PID1: variants seen among roughly 807,000 people sequenced by gnomAD.
PID1 encodes the protein PTB-containing, cubilin and LRP1-interacting protein.
A neutral mutation model predicts 19.1 loss-of-function variants in PID1; 10 were observed. The ratio of observed to expected loss-of-function variants is 0.52; its 90% CI spans 0.32 to 0.89. PID1 has a LOEUF of 0.89. PID1 is among the 40% of genes least tolerant of loss of function. The pLI is 0.03. For missense variants in PID1, 248 were observed against 285.3 expected (o/e 0.87, Z 0.94); for synonymous variants, 130 against 116.0 (o/e 1.12, Z -0.78).
intron 1 of PID1, among the ~76,000 whole-genome samples, chr2:229,158,803 T>C (rs1359697810): frequency 1.3e-5 from 2 of 152,160 alleles, no homozygotes; most frequent in Non-Finnish European, 2.9e-5. Flanking sequence ...GAGATCATTA[T>C]GTTACATGAA....
chr2:229,102,268 C>G (rs982423830), intron 2 of PID1, among the ~76,000 whole-genome samples: 2 of 151,670 alleles, frequency 1.3e-5, no homozygotes, highest in Non-Finnish European at 1.5e-5. Flanking sequence ...CTATATAGAA[C>G]TGTTCTATAA....
chr2:229,048,402 T>A (rs577647218), intron 2 of PID1, among the ~76,000 whole-genome samples: 1 of 152,154 alleles, frequency 6.6e-6, no homozygotes, highest in African/African-American at 2.4e-5. Context: ...CTCTGGAGGG[T>A]CTCTCGATTG....
At chr2:229,226,920 G>A (rs1186222515) in intron 1 of PID1, among the ~76,000 whole-genome samples, 1 of 152,096 alleles carries the variant, frequency 6.6e-6, no homozygotes, top group Non-Finnish European at 1.5e-5. Flanking sequence ...AAAATGGGGT[G>A]TTTAGAATTT....
intron 1 of PID1, among the ~76,000 whole-genome samples, chr2:229,223,640 C>A (rs1322739721): frequency 6.6e-6 from 1 of 152,192 alleles, no homozygotes; most frequent in East Asian, 1.9e-4. Context: ...GGAGTCAGAA[C>A]AGTGAAGGCT....
chr2:229,111,709 T>C (rs970492097), intron 2 of PID1, among the ~76,000 whole-genome samples: 2 of 152,160 alleles, frequency 1.3e-5, no homozygotes, highest in East Asian at 1.9e-4. Context: ...CTAAAAATGG[T>C]AATGGACTTA....
Position 229,153,954 on chromosome 2 carries a change from T to A in PID1, c.177+1864A>T, listed in dbSNP as rs144526297. The stretch of plus-strand genomic sequence containing the variant: ...CAGAAATCAAAATAGCATTAATAAA[T>A]CTCCTGAAGAATGTATAACGAATTT... On this transcript the variant is annotated intron_variant, in intron 2 of 2. Transcript: ENST00000392055. Among the ~76,000 whole-genome samples, 37 of 152,268 alleles carry A rather than the reference T, an allele frequency of 2.4e-4. No individual in the cohort carries two copies. The East Asian group carries it at 5.8e-3, about 24-fold the overall frequency.
chr2:229,040,411 T>A (rs1337788667), intron 2 of PID1, among the ~76,000 whole-genome samples: 1 of 152,156 alleles, frequency 6.6e-6, no homozygotes, highest in Non-Finnish European at 1.5e-5. Flanking sequence ...TATATATTTG[T>A]TTGTGAAAAA....
chr2:229,075,506 T>C (rs1463659515), intron 2 of PID1, among the ~76,000 whole-genome samples: 2 of 152,198 alleles, frequency 1.3e-5, no homozygotes, highest in East Asian at 3.9e-4. Context: ...CACAACTTTA[T>C]ATGTTTGGAT....
chr2:229,192,570 C>A (rs976842440), intron 1 of PID1, among the ~76,000 whole-genome samples: 4 of 152,112 alleles, frequency 2.6e-5, no homozygotes, highest in African/African-American at 9.7e-5. Flanking sequence ...ATCATAGACA[C>A]CCAATAATCA....
chr2:229,025,339 G>C lies in PID1; in HGVS notation c.*293C>G. 2.7e-6 allele frequency: 1 copy of C among 371,812 alleles called. No individual in the cohort carries two copies. The highest frequency in any genetic ancestry group is 3.0e-5 in the South Asian group (1 of 33,052). 23.0% of individuals were successfully genotyped at this position (371,812 alleles called of 1,614,324 possible). A position where few individuals can be genotyped will look rare whatever the true frequency, so the allele number is the denominator to read the frequency against. On this transcript the variant is annotated 3_prime_UTR_variant, in exon 3 of 3. Transcript: ENST00000392055. Reference sequence around the variant, plus strand: ...GCCTGAGCGTGGTGAAAACTGGCATGGAGCTCTCCCACAGAGAGGCATTGG... The same window carrying C: ...GCCTGAGCGTGGTGAAAACTGGCATCGAGCTCTCCCACAGAGAGGCATTGG...
intron 2 of PID1, among the ~76,000 whole-genome samples, chr2:229,152,531 G>T (rs1362543147): frequency 6.6e-6 from 1 of 152,038 alleles, no homozygotes; most frequent in Non-Finnish European, 1.5e-5. Context: ...TGCTAGATAG[G>T]AGGAGAAAGG....
At chr2:229,072,638 G>C (rs1444447699) in intron 2 of PID1, among the ~76,000 whole-genome samples, 1 of 152,040 alleles carries the variant, frequency 6.6e-6, no homozygotes, top group Admixed American at 6.5e-5. Context: ...TCTAGTGGTA[G>C]ATTTTCATTT....
intron 2 of PID1, among the ~76,000 whole-genome samples, chr2:229,088,144 T>C (rs1394975863): frequency 6.6e-6 from 1 of 152,214 alleles, no homozygotes; most frequent in African/African-American, 2.4e-5. Flanking sequence ...TGAGAGTTTC[T>C]AAACATGGTG....
At chr2:229,186,549 C>T (rs1559276143) in intron 1 of PID1, among the ~76,000 whole-genome samples, 1 of 152,242 alleles carries the variant, frequency 6.6e-6, no homozygotes, top group Admixed American at 6.5e-5. Context: ...AGCCCAAGCT[C>T]TATGTTGGCC....
chr2:229,246,946 T>C (rs1410553344), intron 1 of PID1, among the ~76,000 whole-genome samples: 1 of 151,998 alleles, frequency 6.6e-6, no homozygotes, highest in Non-Finnish European at 1.5e-5. Context: ...GCAGTAAAAA[T>C]AACCAAAGCC....
At position 229,262,280 on chromosome 2, in the gene PID1, C is replaced by T. The variant is rs138810515; in HGVS notation, c.30+8734G>A. ...CAGCCCATAAGTTTCATCTCCAAAG[C>T]GAACCATCTTCAGGCCTGAAGCTCA... On this transcript the variant is annotated intron_variant, in intron 1 of 2. Coordinates refer to ENST00000392055, the MANE Select transcript of PID1 (RefSeq NM_001100818.2). Among the ~76,000 whole-genome samples, 398 of 152,262 alleles carry T rather than the reference C, an allele frequency of 2.6e-3. 2 individuals carry two copies. The highest frequency in any genetic ancestry group is 8.8e-3 in the African/African-American group (366 of 41,554).
chr2:229,234,699 G>C (rs573305849), intron 1 of PID1, among the ~76,000 whole-genome samples: 8 of 152,140 alleles, frequency 5.3e-5, no homozygotes, highest in Admixed American at 2.0e-4. Flanking sequence ...GTGAGAATGG[G>C]GGGCCATTTG....
chr2:229,143,587 A>G (rs1238690605), intron 2 of PID1, among the ~76,000 whole-genome samples: 1 of 152,114 alleles, frequency 6.6e-6, no homozygotes, highest in Non-Finnish European at 1.5e-5. Context: ...AAACAAAAAG[A>G]TCTTTAAAGC....
chr2:229,055,312 G>A (rs1256397736), intron 2 of PID1, among the ~76,000 whole-genome samples: 2 of 152,140 alleles, frequency 1.3e-5, no homozygotes, highest in Admixed American at 6.6e-5. Flanking sequence ...TCAAACACCA[G>A]CCTTTCTACC....
Sources: gnomAD v4.1 joint callset for allele counts (sites outside exome capture counted in the v4.1 genomes callset) on GRCh38, gnomAD v4.1.1 for gene constraint, MANE v1.5 for transcripts, NCBI Gene and HGNC (gene_info 2026-07-23, HGNC 2026-07-21) for gene names.